Variants in TRIO observed in about 807,000 individuals in gnomAD.
TRIO encodes the protein triple functional domain protein.
Under a neutral mutation model 351.9 loss-of-function variants are expected in TRIO, and 58 were observed. The ratio of observed to expected loss-of-function variants is 0.16; its 90% CI spans 0.13 to 0.21. The LOEUF (loss-of-function observed/expected upper bound fraction) is 0.21. TRIO is among the 10% of genes least tolerant of loss of function. The pLI is 1.00. For missense variants in TRIO, 3,201 were observed against 4,027.8 expected (o/e 0.79, Z 5.56); for synonymous variants, 1,758 against 1,595.7 (o/e 1.10, Z -2.42).
rs1023830280 is a variant in TRIO, at chr5:14,143,465, G to T, written c.-261G>T. Among the ~76,000 whole-genome samples the T allele has an allele frequency of 3.0e-4, 44 of 148,546 alleles. No homozygotes were observed. Among genetic ancestry groups the T allele is most frequent in the African/African-American group, 8.8e-4 (36 of 40,988 alleles). On this transcript the variant is annotated 5_prime_UTR_variant, in exon 1 of 57. Coordinates refer to ENST00000344204, the MANE Select transcript of TRIO (RefSeq NM_007118.4). The stretch of plus-strand genomic sequence containing the variant: ...AGGCGCGTGCTGCTGCCCGCGCTCC[G>T]GCCGGCGCCCGGGAGGCCGTGGCTC...
At chr5:14,152,805 T>G (rs902422194) in intron 1 of TRIO, among the ~76,000 whole-genome samples, 7 of 152,236 alleles carry the variant, frequency 4.6e-5, no homozygotes, top group African/African-American at 1.7e-4. Context: ...ACGTGCCAAT[T>G]CAGATCAGTG....
intron 1 of TRIO, among the ~76,000 whole-genome samples, chr5:14,245,599 C>G (rs1390259833): frequency 6.6e-6 from 1 of 152,214 alleles, no homozygotes; most frequent in Non-Finnish European, 1.5e-5. Context: ...ATTGGAGATG[C>G]CTCGGCGTGG....
chr5:14,502,633 A>G lies in TRIO; in HGVS notation c.8387A>G (p.Tyr2796Cys). 1 of 1,614,194 alleles carries G rather than the reference A, an allele frequency of 6.2e-7. No homozygotes were observed. The highest frequency in any genetic ancestry group is 8.5e-7 in the Non-Finnish European group (1 of 1,180,032). The change falls in exon 54 of 57, where the codon TAC becomes TGC. Residue 2796 changes from tyrosine (Y) to cysteine (C), a missense_variant. Tyr to Cys is a radical substitution (Grantham distance 194). Around this residue, in one of 19 missense-constraint regions of TRIO, gnomAD observed 1,089 missense variants for 954.9 expected, o/e 1.14. Coordinates refer to ENST00000344204, the MANE Select transcript of TRIO (RefSeq NM_007118.4). ...VTWKDNFDSF[Y>C]SEVAELGRGR... The stretch of plus-strand genomic sequence containing the variant: ...TGGAAAGACAACTTTGACTCCTTCT[A>G]CAGTGAAGTGGCTGAGCTTGGCAGG...
At chr5:14,147,707 T>C (rs150491492) in intron 1 of TRIO, among the ~76,000 whole-genome samples, 2 of 152,376 alleles carry the variant, frequency 1.3e-5, no homozygotes, top group Admixed American at 1.3e-4. Context: ...TATTTTGATA[T>C]GACGGTTTCC....
intron 9 of TRIO, among the ~76,000 whole-genome samples, chr5:14,319,866 A>AT (rs1287041852): frequency 3.9e-5 from 6 of 152,102 alleles, no homozygotes; most frequent in African/African-American, 1.4e-4. Context: ...TTCGAGGTTA[A>AT]TTTTTTCCCC....
chr5:14,265,983 A>G (rs1163029829), intron 1 of TRIO, among the ~76,000 whole-genome samples: 2 of 152,202 alleles, frequency 1.3e-5, no homozygotes, highest in Admixed American at 6.5e-5. Context: ...TTCAGGGTCA[A>G]GATGCTGTGG....
chr5:14,295,657 ATCTAGTT>A (rs1737298067), intron 6 of TRIO, among the ~76,000 whole-genome samples: 1 of 152,190 alleles, frequency 6.6e-6, no homozygotes, highest in Non-Finnish European at 1.5e-5. Flanking sequence ...AAATTAGCAA[ATCTAGTT>A]TCTTGTCACT....
At chr5:14,419,648 A>G in intron 33 of TRIO, 130 bp from the exon 34 acceptor site, 2 of 1,281,246 alleles carry the variant, frequency 1.6e-6, no homozygotes, top group Non-Finnish European at 2.1e-6. Flanking sequence ...CAGTGATCAC[A>G]CAACCTCGGA....
chr5:14,294,316 C>A (rs1242706420), intron 6 of TRIO, among the ~76,000 whole-genome samples: 1 of 152,158 alleles, frequency 6.6e-6, no homozygotes, highest in African/African-American at 2.4e-5. Context: ...TAAGATTTTG[C>A]AATATAATTT....
chr5:14,180,833 C>T (rs1312697205), intron 1 of TRIO, among the ~76,000 whole-genome samples: 1 of 134,572 alleles, frequency 7.4e-6, no homozygotes, highest in African/African-American at 2.5e-5. Context: ...TCCCATGTCC[C>T]CCCAGTGCCC....
At chr5:14,433,064 G>C (rs1403780238) in intron 34 of TRIO, among the ~76,000 whole-genome samples, 1 of 152,170 alleles carries the variant, frequency 6.6e-6, no homozygotes, top group Non-Finnish European at 1.5e-5. Context: ...ACCATATCAC[G>C]TTGCAGTTCT....
chr5:14,506,696 G>C (rs1365555836), intron 55 of TRIO, among the ~76,000 whole-genome samples: 1 of 152,122 alleles, frequency 6.6e-6, no homozygotes, highest in Non-Finnish European at 1.5e-5. Context: ...CTCCTGCCCA[G>C]CCTGTGGTTA....
chr5:14,293,404 G>T (rs1737071408), intron 6 of TRIO, among the ~76,000 whole-genome samples: 1 of 152,236 alleles, frequency 6.6e-6, no homozygotes, highest in African/African-American at 2.4e-5. Flanking sequence ...CACTTGGGAT[G>T]CTGGCTCCTG....
chr5:14,490,977 T>G (rs1019001641), intron 48 of TRIO, among the ~76,000 whole-genome samples: 1 of 152,212 alleles, frequency 6.6e-6, no homozygotes, highest in Non-Finnish European at 1.5e-5. Context: ...CACGCTTTTT[T>G]GCTGAAGAGC....
chr5:14,320,882 A>G (rs1286737101), intron 9 of TRIO, among the ~76,000 whole-genome samples: 3 of 152,198 alleles, frequency 2.0e-5, no homozygotes, highest in African/African-American at 7.2e-5. Context: ...TTGCTAAGGC[A>G]TAAATTTGAA....
chr5:14,249,628 A>T (rs1794627097), intron 1 of TRIO, among the ~76,000 whole-genome samples: 1 of 152,194 alleles, frequency 6.6e-6, no homozygotes, highest in South Asian at 2.1e-4. Flanking sequence ...AGGCATGTTT[A>T]CTTGCAGGAC....
At position 14,390,885 on chromosome 5, in the gene TRIO, T is replaced by G. The variant is rs747680263; in HGVS notation, c.4129-16T>G. The G allele has an allele frequency of 6.3e-7, 1 of 1,586,676 alleles. No individual in the cohort carries two copies. The highest frequency in any genetic ancestry group is 8.5e-7 in the Non-Finnish European group (1 of 1,171,354). On this transcript the variant is annotated splice_polypyrimidine_tract_variant and intron_variant, in intron 26 of 56. Coordinates refer to ENST00000344204, the MANE Select transcript of TRIO (RefSeq NM_007118.4). ...TGTTATGATTTAAATGAGATCTTTT[T>G]TTTTTTGGCTTACAGGCAGACAAGT...
Position 14,419,912 on chromosome 5 carries a change from G to T in TRIO, c.5094G>T (p.Val1698=). The T allele has an allele frequency of 6.2e-7, 1 of 1,614,192 alleles. No homozygotes were observed. The highest frequency in any genetic ancestry group is 8.5e-7 in the Non-Finnish European group (1 of 1,180,026). Residue 1698 remains valine, a synonymous_variant, in exon 34 of 57, where the codon GTG becomes GTT. Coordinates refer to ENST00000344204, the MANE Select transcript of TRIO (RefSeq NM_007118.4). ...RPHDKPDWCL[V]RTTDRSPAAE... Reference sequence around the variant, plus strand: ...ATGACAAGCCTGACTGGTGTCTGGTGCGGACAACTGACCGCTCCCCAGCGG... The same window carrying T: ...ATGACAAGCCTGACTGGTGTCTGGTTCGGACAACTGACCGCTCCCCAGCGG...
At chr5:14,364,894 C>A in intron 15 of TRIO, 78 bp downstream of exon 15, 1 of 1,494,818 alleles carries the variant, frequency 6.7e-7, no homozygotes, top group African/African-American at 1.4e-5. Flanking sequence ...AAATTCTGAC[C>A]TGTAGCATTG....
Sources: gnomAD v4.1 joint callset for allele counts (sites outside exome capture counted in the v4.1 genomes callset) on GRCh38, gnomAD v4.1.1 for gene constraint, gnomAD v4.1.1 regional missense constraint, MANE v1.5 for transcripts, NCBI Gene and HGNC (gene_info 2026-07-23, HGNC 2026-07-21) for gene names.